The following ZNF778 variants were observed in gnomAD, a reference collection of about 807,000 sequenced individuals.
ZNF778 encodes zinc finger protein 778.
ZNF778 carries 37 observed loss-of-function variants against 23.9 expected under a neutral mutation model. The ratio of observed to expected loss-of-function variants is 1.54; its 90% confidence interval spans 1.19 to 2.03. ZNF778 has a LOEUF of 2.03. ZNF778 is among the 30% of genes most tolerant of loss of function. The pLI is 0.00. For synonymous variants in ZNF778, 483 were observed against 343.9 expected (o/e 1.40, Z -4.48); for missense variants, 1,297 against 934.4 (o/e 1.39, Z -5.06).
rs1302703876 is a variant in ZNF778, at chr16:89,226,955, A to G, written c.667A>G (p.Arg223Gly). 6.2e-7 allele frequency: 1 copy of G among 1,613,918 alleles called. No homozygotes were observed. Among genetic ancestry groups the G allele is most frequent in the South Asian group, 1.1e-5 (1 of 91,094 alleles). ...TTCCCAGCAAGCATGCACTCGGGACAGATCTCTTGACTACAGCAGCTGTGG... is the reference window on the plus strand; with the variant it reads ...TTCCCAGCAAGCATGCACTCGGGACGGATCTCTTGACTACAGCAGCTGTGG... ...VVSQQACTRD[R>G]SLDYSSCGEV... Residue 223 changes from arginine (R) to glycine (G), a missense_variant, in exon 7 of 7, where the codon AGA becomes GGA. Physicochemically the swap from Arg to Gly is moderately radical, Grantham distance 125. Transcript: ENST00000433976.
chr16:89,224,962 C>T (rs1239472000), intron 5 of ZNF778, among the ~76,000 whole-genome samples, 160 bp downstream of exon 5: 1 of 19,452 alleles, frequency 5.1e-5, no homozygotes, highest in African/African-American at 9.6e-5. Context: ...CCTGAGTGCA[C>T]GTTTTAAGAT....
In ZNF778 at chr16:89,233,749, C is replaced by G. The variant is rs981248659; in HGVS notation, c.*5187C>G. ...CTCAACTCGCACTGCATATGCAACT[C>G]AACTCGCACTGCGTATGCAACTCAA... On this transcript the variant is annotated 3_prime_UTR_variant, in exon 7 of 7. Coordinates refer to ENST00000433976, the MANE Select transcript of ZNF778 (RefSeq NM_001201407.2). 13 of 1,185,284 alleles carry G rather than the reference C, an allele frequency of 1.1e-5. No homozygotes were observed. Among genetic ancestry groups the G allele is most frequent in the Middle Eastern group, 4.5e-4 (2 of 4,466 alleles). 73.4% of individuals were successfully genotyped at this position (1,185,284 alleles called of 1,614,324 possible).
intron 5 of ZNF778, among the ~76,000 whole-genome samples, chr16:89,225,007 G>A (rs1025454917): frequency 3.1e-5 from 1 of 32,410 alleles, no homozygotes; most frequent in East Asian, 6.9e-4. Context: ...TGTTGGCTCT[G>A]GGTATCCTGA....
rs757760481 is a variant in ZNF778, at chr16:89,227,423, C to T, written c.1135C>T (p.Leu379=). The change falls in exon 7 of 7, where the codon CTA becomes TTA. Residue 379 remains leucine, a synonymous_variant. Coordinates refer to ENST00000433976, the MANE Select transcript of ZNF778 (RefSeq NM_001201407.2). ...TGGGAAAGCCTGCGGTGGGTTTTAT[C>T]TACTGAATGAGCATGGAAAAACTCA... ...DCGKACGGFY[L]LNEHGKTHTR... 11 of 1,613,662 alleles carry T rather than the reference C, an allele frequency of 6.8e-6. No individual in the cohort carries two copies. The highest frequency in any genetic ancestry group is 5.9e-6 in the Non-Finnish European group (7 of 1,179,848).
At chr16:89,224,664 G>A in intron 4 of ZNF778, 55 bp from the exon 5 acceptor site, 2 of 1,313,948 alleles carry the variant, frequency 1.5e-6, no homozygotes, top group Non-Finnish European at 2.1e-6. Flanking sequence ...TCACGGGTAG[G>A]TTTGTCATCC....
At chr16:89,223,090 T>A in intron 3 of ZNF778, 67 bp from the exon 4 acceptor site, 1 of 1,565,148 alleles carries the variant, frequency 6.4e-7, no homozygotes, top group African/African-American at 1.4e-5. Context: ...GGGCCCCGCC[T>A]CCTCATTCTT....
In ZNF778 at chr16:89,228,403, A is replaced by G. The variant is rs1225854391; in HGVS notation, c.2115A>G (p.Glu705=). ...GGCAGAAACCCTATAAATGTAAGGA[A>G]TGTGGGAAAGCATACAATAGGTTTT... ...HTGQKPYKCK[E]CGKAYNRFYL... The change falls in exon 7 of 7, where the codon GAA becomes GAG. Residue 705 remains glutamate (E), a synonymous_variant. Coordinates refer to ENST00000433976, the MANE Select transcript of ZNF778 (RefSeq NM_001201407.2). 3 of 1,613,914 alleles carry G rather than the reference A, an allele frequency of 1.9e-6. No homozygotes were observed. Among genetic ancestry groups the G allele is most frequent in the South Asian group, 1.1e-5 (1 of 91,038 alleles).
chr16:89,220,443 G>T (rs567710574), intron 1 of ZNF778, among the ~76,000 whole-genome samples: 2 of 152,268 alleles, frequency 1.3e-5, no homozygotes, highest in East Asian at 3.9e-4. Flanking sequence ...GGATCACGAG[G>T]TCAGGAGATC....
chr16:89,219,292 A>G (rs559413556), intron 1 of ZNF778, among the ~76,000 whole-genome samples: 32 of 152,276 alleles, frequency 2.1e-4, no homozygotes, highest in Middle Eastern at 3.4e-3. Flanking sequence ...TGGTTTCTCT[A>G]TCATATTGAC....
chr16:89,233,703 C>A lies in ZNF778; in HGVS notation c.*5141C>A, dbSNP rs1184638348. On this transcript the variant is annotated 3_prime_UTR_variant, in exon 7 of 7. Transcript: ENST00000433976. ...GCAAATCAACTTACTGCATATGCAA[C>A]TCAACTCACTGCGTATGCAACTCAA... 3.2e-6 allele frequency: 4 copies of A among 1,250,790 alleles called. No individual in the cohort carries two copies. Among genetic ancestry groups the A allele is most frequent in the Non-Finnish European group, 4.2e-6 (4 of 961,916 alleles). The allele number at this position is 1,250,790 out of a possible 1,614,324, so 77.5% of individuals were successfully genotyped here.
In ZNF778 at chr16:89,228,027, T is replaced by C. The variant is rs2031658681; in HGVS notation, c.1739T>C (p.Ile580Thr). 1.3e-6 allele frequency: 2 copies of C among 1,589,414 alleles called. No individual in the cohort carries two copies. The highest frequency in any genetic ancestry group is 1.1e-5 in the South Asian group (1 of 88,098). The change falls in exon 7 of 7, where the codon ATT (isoleucine) becomes ACT (threonine). Residue 580 changes from isoleucine to threonine, a missense_variant. By Grantham distance (89) the Ile-to-Thr change is moderately conservative (BLOSUM62 -1). Transcript: ENST00000433976. ...AATTCCTCGTGCCTGAATAAGCACA[T>C]TCAGATTCACACTGGAATAAAACCT... Reference protein sequence around the residue: ...FRNSSCLNKHIQIHTGIKPYE... With the variant: ...FRNSSCLNKHTQIHTGIKPYE...
rs911144647 is a variant in ZNF778, at chr16:89,217,915, G to C, written c.-132+5G>C. 6.6e-6 allele frequency: 1 copy of C among 152,316 alleles called. No individual in the cohort carries two copies. Among genetic ancestry groups the C allele is most frequent in the Admixed American group, 6.5e-5 (1 of 15,290 alleles). 9.4% of individuals were successfully genotyped at this position (152,316 alleles called of 1,614,324 possible). Reference sequence around the variant, plus strand: ...CGCTTCCATTCCGCGGAGCTGGTGAGAGAGGGGCCCTTTGCTTCCTTCACT... The same window carrying C: ...CGCTTCCATTCCGCGGAGCTGGTGACAGAGGGGCCCTTTGCTTCCTTCACT... On this transcript the variant is annotated splice_donor_5th_base_variant and intron_variant, in intron 1 of 6. Coordinates refer to ENST00000433976, the MANE Select transcript of ZNF778 (RefSeq NM_001201407.2).
chr16:89,219,028 A>G (rs2030652141), intron 1 of ZNF778, among the ~76,000 whole-genome samples: 1 of 151,600 alleles, frequency 6.6e-6, no homozygotes, highest in African/African-American at 2.4e-5. Flanking sequence ...AATCGCTTGA[A>G]CCTGGGTGGC....
rs534247681 is a variant in ZNF778 at position 89,217,729 on chromosome 16, C to G, written c.-313C>G. 2.0e-5 allele frequency: 3 copies of G among 152,356 alleles called. No individual in the cohort carries two copies. The highest frequency in any genetic ancestry group is 2.9e-5 in the Non-Finnish European group (2 of 68,032). The allele number at this position is 152,356 out of a possible 1,614,324, so 9.4% of individuals were successfully genotyped here. A position where few individuals can be genotyped will look rare whatever the true frequency, so the allele number is the denominator to read the frequency against. On this transcript the variant is annotated 5_prime_UTR_variant, in exon 1 of 7. Coordinates refer to ENST00000433976, the MANE Select transcript of ZNF778 (RefSeq NM_001201407.2). ...TGTCTTACAGCTGATCCGGTTCTTG[C>G]GGCGGTGCGTGCTGGCGCCGGAGAG... is the stretch of plus-strand genomic sequence containing the variant.
At chr16:89,224,299 G>T (rs1312888412) in intron 4 of ZNF778, among the ~76,000 whole-genome samples, 2 of 152,204 alleles carry the variant, frequency 1.3e-5, no homozygotes, top group Middle Eastern at 3.4e-3. Flanking sequence ...GGGAGGCTGG[G>T]CGCAGTGGCT....
rs2031421885 is a variant in ZNF778, at chr16:89,225,764, C to A, written c.405+133C>A. The A allele has an allele frequency of 3.7e-6, 3 of 817,042 alleles. No homozygotes were observed. In the South Asian group the frequency reaches 4.9e-5, roughly 13 times the overall value. 50.6% of individuals were successfully genotyped at this position (817,042 alleles called of 1,614,324 possible). ...TCAGGCAGGGGTTGTCTGTAGAGAA[C>A]ACTCTGAATGTGCGGAATTTGGGAG... On this transcript the variant is annotated intron_variant, in intron 6 of 6. Coordinates refer to ENST00000433976, the MANE Select transcript of ZNF778 (RefSeq NM_001201407.2).
In ZNF778 at chr16:89,228,191, C is replaced by A; in HGVS notation, c.1903C>A (p.His635Asn). The A allele has an allele frequency of 6.2e-7, 1 of 1,613,448 alleles. No individual in the cohort carries two copies. Among genetic ancestry groups the A allele is most frequent in the Non-Finnish European group, 8.5e-7 (1 of 1,179,598 alleles). Residue 635 changes from histidine (H) to asparagine (N), a missense_variant, in exon 7 of 7, where the codon CAC becomes AAC. His to Asn is a moderately conservative substitution (Grantham distance 68). Transcript: ENST00000433976. ...AFTTSSHLIVHIRTHTGEKPY... is the reference protein window; with the variant it reads ...AFTTSSHLIVNIRTHTGEKPY... ...CACCACATCCTCACACCTTATCGTG[C>A]ACATAAGAACCCACACCGGTGAGAA...
intron 6 of ZNF778, among the ~76,000 whole-genome samples, chr16:89,226,470 T>G (rs1260799372): frequency 1.3e-5 from 2 of 152,120 alleles, no homozygotes; most frequent in African/African-American, 2.4e-5. Flanking sequence ...CTCCCAAAGT[T>G]CTGGGATTAC....
intron 4 of ZNF778, among the ~76,000 whole-genome samples, chr16:89,223,848 T>C (rs2031198652): frequency 6.7e-6 from 1 of 149,310 alleles, no homozygotes; most frequent in African/African-American, 2.4e-5. Flanking sequence ...CACTCCAGCC[T>C]GGGTGACAGA....
Sources: gnomAD v4.1 joint callset for allele counts (sites outside exome capture counted in the v4.1 genomes callset) on GRCh38, gnomAD v4.1.1 for gene constraint, MANE v1.5 for transcripts, NCBI Gene and HGNC (gene_info 2026-07-23, HGNC 2026-07-21) for gene names.